Variants in MGAT4D observed in about 807,000 individuals in gnomAD.
MGAT4D encodes the protein MGAT4 family member D, also known as alpha-1,3-mannosyl-glycoprotein 4-beta-N-acetylglucosaminyltransferase-like protein MGAT4D.
In MGAT4D, 34 loss-of-function variants were observed where a neutral mutation model predicts 15.9. The observed-to-expected ratio is 2.14, with a 90% confidence interval of 1.62 to 2.84. The LOEUF is 2.84. MGAT4D is among the 30% of genes most tolerant of loss of function. MGAT4D has a pLI of 0.00. For synonymous variants in MGAT4D, 112 were observed against 48.2 expected (o/e 2.33, Z -5.49); for missense variants, 327 against 140.2 (o/e 2.33, Z -6.73).
At chr4:140,461,257 C>CT (rs979873278) in intron 7 of MGAT4D, among the ~76,000 whole-genome samples, 9 of 151,824 alleles carry the variant, frequency 5.9e-5, no homozygotes, top group Middle Eastern at 3.2e-3. Flanking sequence ...CAAAAGAGAC[C>CT]TTTTTTTTCT....
intron 3 of MGAT4D, among the ~76,000 whole-genome samples, chr4:140,477,288 G>A (rs1732399926): frequency 6.6e-6 from 1 of 152,002 alleles, no homozygotes; most frequent in Non-Finnish European, 1.5e-5. Context: ...CTTCACCCTG[G>A]TATTTCCCTT....
chr4:140,455,506 T>C (rs552331721), intron 9 of MGAT4D, among the ~76,000 whole-genome samples: 1 of 152,332 alleles, frequency 6.6e-6, no homozygotes, highest in South Asian at 2.1e-4. Context: ...GTGAATGTTG[T>C]ATCTGTTTTT....
chr4:140,459,970 C>A (rs998763754), intron 7 of MGAT4D, among the ~76,000 whole-genome samples: 3 of 152,020 alleles, frequency 2.0e-5, no homozygotes, highest in African/African-American at 7.2e-5. Context: ...TGGGCTCAAG[C>A]GATCCTCCTG....
intron 9 of MGAT4D, among the ~76,000 whole-genome samples, chr4:140,452,932 A>G (rs71606894): frequency 0.046 from 7,012 of 152,212 alleles, 236 homozygotes; most frequent in Non-Finnish European, 0.07. Flanking sequence ...ATGTTTGTAT[A>G]AAGTGTGAGG....
rs74394837 is a variant in MGAT4D, at chr4:140,448,947, G to T, written c.1116+2463C>A. Among the ~76,000 whole-genome samples, 1,290 of 152,266 alleles carry T rather than the reference G, an allele frequency of 8.5e-3. 13 individuals carry two copies. The highest frequency in any genetic ancestry group is 0.03 in the African/African-American group (1,261 of 41,550). ...ACTACTACAACAACAAAACAAATGA[G>T]ACATACATGAAAAAAAGTCGTTGTT... On this transcript the variant is annotated intron_variant, in intron 10 of 10. Transcript: ENST00000511113.
intron 9 of MGAT4D, among the ~76,000 whole-genome samples, chr4:140,455,287 CAA>C (rs1416277222): frequency 2.0e-5 from 3 of 152,146 alleles, no homozygotes; most frequent in African/African-American, 7.2e-5. Flanking sequence ...TCATTCATTT[CAA>C]AGAGTTGTCT....
chr4:140,486,095 C>G (rs1236285324), intron 1 of MGAT4D, among the ~76,000 whole-genome samples: 1 of 152,070 alleles, frequency 6.6e-6, no homozygotes, highest in Admixed American at 6.6e-5. Flanking sequence ...TCCTGCCTCA[C>G]TCTGAGGGAG....
At chr4:140,491,780 A>G (rs1733517565) in intron 1 of MGAT4D, among the ~76,000 whole-genome samples, 1 of 152,034 alleles carries the variant, frequency 6.6e-6, no homozygotes, top group Admixed American at 6.6e-5. Flanking sequence ...AGAGCATCAG[A>G]TATCTGCCAC....
intron 6 of MGAT4D, 117 bp from the exon 7 acceptor site, chr4:140,462,121 GTAAC>G: frequency 1.9e-6 from 1 of 517,464 alleles, no homozygotes; most frequent in East Asian, 2.9e-5. Flanking sequence ...CTACAATTAA[GTAAC>G]TAATTTTACT....
Position 140,492,147 on chromosome 4 carries a change from G to T in MGAT4D, c.94+5982C>A, listed in dbSNP as rs541861015. On this transcript the variant is annotated intron_variant, in intron 1 of 10. Transcript: ENST00000511113. ...GCCTTTTAAAAGGTAGTTGCCTTGT[G>T]GGGGGGAAAATGTATAATATTGCTA... 7.2e-5 allele frequency among the ~76,000 whole-genome samples: 11 copies of T among 152,184 alleles called. No individual in the cohort carries two copies. In the South Asian group the frequency reaches 1.0e-3, roughly 14 times the overall value.
At chr4:140,483,007 A>G (rs992100719) in intron 1 of MGAT4D, among the ~76,000 whole-genome samples, 6 of 152,200 alleles carry the variant, frequency 3.9e-5, no homozygotes, top group Admixed American at 1.3e-4. Flanking sequence ...AAATTACAGA[A>G]TATTCTTTTA....
chr4:140,497,826 G>T (rs1733935498), intron 1 of MGAT4D, among the ~76,000 whole-genome samples: 1 of 152,226 alleles, frequency 6.6e-6, no homozygotes, highest in South Asian at 2.1e-4. Flanking sequence ...GCACAGACGG[G>T]GTCCTTGAAC....
chr4:140,479,449 A>G, intron 3 of MGAT4D, 41 bp downstream of exon 3: 1 of 433,736 alleles, frequency 2.3e-6, no homozygotes, highest in Non-Finnish European at 4.1e-6. Flanking sequence ...CCCAAAGATC[A>G]AAATACCTTT....
chr4:140,493,051 C>T (rs1733605499), intron 1 of MGAT4D, among the ~76,000 whole-genome samples: 1 of 152,068 alleles, frequency 6.6e-6, no homozygotes, highest in African/African-American at 2.4e-5. Context: ...CATTTTCTTG[C>T]TTCCTTATTC....
intron 2 of MGAT4D, among the ~76,000 whole-genome samples, chr4:140,480,981 G>T (rs1204671843): frequency 6.6e-6 from 1 of 152,028 alleles, no homozygotes; most frequent in African/African-American, 2.4e-5. Flanking sequence ...ATTAGTTTCT[G>T]GGAAATACAA....
chr4:140,448,600 T>C (rs1478032993), intron 10 of MGAT4D, among the ~76,000 whole-genome samples: 1 of 152,212 alleles, frequency 6.6e-6, no homozygotes, highest in African/African-American at 2.4e-5. Flanking sequence ...AGCTCCTGTA[T>C]TGTTATATTT....
intron 2 of MGAT4D, among the ~76,000 whole-genome samples, chr4:140,479,865 A>G (rs1365534434): frequency 6.6e-6 from 1 of 152,148 alleles, no homozygotes; most frequent in Non-Finnish European, 1.5e-5. Flanking sequence ...TAAGATACAC[A>G]GAGGACAATG....
At chr4:140,485,727 T>C (rs1285989602) in intron 1 of MGAT4D, among the ~76,000 whole-genome samples, 1 of 142,208 alleles carries the variant, frequency 7.0e-6, no homozygotes, top group East Asian at 2.1e-4. Flanking sequence ...AGAGGACTGC[T>C]TGAGCTCAGG....
chr4:140,463,016 T>G (rs991093376), intron 6 of MGAT4D, among the ~76,000 whole-genome samples: 1 of 151,698 alleles, frequency 6.6e-6, no homozygotes, highest in Non-Finnish European at 1.5e-5. Flanking sequence ...GTTCCCAAAG[T>G]GTAAGGGGGG....
Sources: allele counts gnomAD v4.1 joint callset (sites outside exome capture counted in the v4.1 genomes callset), GRCh38; gene constraint gnomAD v4.1.1; transcripts MANE v1.5; gene names NCBI Gene and HGNC (gene_info 2026-07-23, HGNC 2026-07-21).